The following ZMIZ1 variants were observed in gnomAD, a reference collection of about 807,000 sequenced individuals.
The protein encoded by ZMIZ1 is zinc finger MIZ-type containing 1, also known as zinc finger MIZ domain-containing protein 1.
A neutral mutation model predicts 113.9 loss-of-function variants in ZMIZ1; 17 were observed. The ratio of observed to expected loss-of-function variants is 0.15; its 90% CI spans 0.10 to 0.22. The LOEUF is 0.22. ZMIZ1 is among the 10% of genes least tolerant of loss of function. The pLI, the probability that ZMIZ1 is intolerant of heterozygous loss-of-function variation, is 1.00. For missense variants in ZMIZ1, 1,059 were observed against 1,477.8 expected (o/e 0.72, Z 4.65); for synonymous variants, 607 against 603.1 (o/e 1.01, Z -0.09).
chr10:79,152,336 A>G (rs1845745747), intron 3 of ZMIZ1, among the ~76,000 whole-genome samples: 1 of 152,112 alleles, frequency 6.6e-6, no homozygotes, highest in Non-Finnish European at 1.5e-5. Context: ...CTGTCTCTAC[A>G]AAAAATATAA....
chr10:79,304,558 C>T (rs1854553555), intron 19 of ZMIZ1, among the ~76,000 whole-genome samples: 2 of 152,160 alleles, frequency 1.3e-5, no homozygotes, highest in Admixed American at 1.3e-4. Flanking sequence ...GAGTGACAGC[C>T]CCAGTCTGAG....
chr10:79,259,613 CCTT>C (rs974517614), intron 7 of ZMIZ1, among the ~76,000 whole-genome samples: 1 of 151,106 alleles, frequency 6.6e-6, no homozygotes, highest in African/African-American at 2.4e-5. Context: ...TTCTCTATCA[CCTT>C]CTTTTTTTTT....
At chr10:79,233,247 G>C (rs1046245196) in intron 7 of ZMIZ1, among the ~76,000 whole-genome samples, 1 of 152,246 alleles carries the variant, frequency 6.6e-6, no homozygotes, top group African/African-American at 2.4e-5. Flanking sequence ...GGGAGACTGA[G>C]GCAGGGAACA....
intron 4 of ZMIZ1, among the ~76,000 whole-genome samples, chr10:79,162,636 CCT>C (rs1302897898): frequency 2.0e-5 from 3 of 152,220 alleles, no homozygotes; most frequent in East Asian, 3.8e-4. Context: ...TTACTCTGTG[CCT>C]CTGTTTACCC....
intron 1 of ZMIZ1, among the ~76,000 whole-genome samples, chr10:79,084,708 G>T (rs1589253381): frequency 6.6e-6 from 1 of 152,168 alleles, no homozygotes; most frequent in African/African-American, 2.4e-5. Context: ...TTGAGCCTCA[G>T]TTTCCCTATT....
intron 3 of ZMIZ1, among the ~76,000 whole-genome samples, chr10:79,156,692 G>A (rs1845914290): frequency 6.6e-6 from 1 of 152,226 alleles, no homozygotes; most frequent in African/African-American, 2.4e-5. Context: ...AAGATCGACA[G>A]GATGATTGAA....
At chr10:79,082,159 G>T (rs1842681042) in intron 1 of ZMIZ1, among the ~76,000 whole-genome samples, 1 of 152,024 alleles carries the variant, frequency 6.6e-6, no homozygotes, top group Non-Finnish European at 1.5e-5. Context: ...ATTTTGCAAA[G>T]CGGCTGGGCC....
At chr10:79,187,578 G>T (rs1847402001) in intron 4 of ZMIZ1, among the ~76,000 whole-genome samples, 1 of 152,238 alleles carries the variant, frequency 6.6e-6, no homozygotes, top group Non-Finnish European at 1.5e-5. Flanking sequence ...ATCCTCAGAG[G>T]TTTGGGGTAC....
At chr10:79,085,126 G>C (rs1010257244) in intron 1 of ZMIZ1, among the ~76,000 whole-genome samples, 1 of 152,224 alleles carries the variant, frequency 6.6e-6, no homozygotes, top group Non-Finnish European at 1.5e-5. Context: ...CCTGCTGCCT[G>C]TGGTGGCAGG....
intron 4 of ZMIZ1, among the ~76,000 whole-genome samples, chr10:79,165,992 GT>G (rs1846324555): frequency 3.0e-5 from 1 of 33,048 alleles, no homozygotes; most frequent in Non-Finnish European, 5.6e-5. Flanking sequence ...GTGTGTGTGT[GT>G]GTGTGTGTGG....
At chr10:79,221,427 C>T (rs1325643628) in intron 7 of ZMIZ1, among the ~76,000 whole-genome samples, 2 of 152,196 alleles carry the variant, frequency 1.3e-5, no homozygotes, top group Admixed American at 1.3e-4. Context: ...AGCGCACGTG[C>T]GCGGGCGGGA....
intron 4 of ZMIZ1, among the ~76,000 whole-genome samples, chr10:79,175,111 G>A (rs929600775): frequency 7.2e-5 from 11 of 152,216 alleles, no homozygotes; most frequent in Admixed American, 5.2e-4. Flanking sequence ...GGAGCCAGTG[G>A]GGACTCAGTG....
chr10:79,124,545 A>C (rs1444345173), intron 2 of ZMIZ1, among the ~76,000 whole-genome samples: 5 of 152,156 alleles, frequency 3.3e-5, no homozygotes, highest in Non-Finnish European at 7.3e-5. Flanking sequence ...GTGCTCCTGC[A>C]CCGTGCTAGG....
chr10:79,297,860 G>A (rs187633074), intron 14 of ZMIZ1, among the ~76,000 whole-genome samples, 170 bp downstream of exon 14: 33 of 152,230 alleles, frequency 2.2e-4, no homozygotes, highest in Admixed American at 1.4e-3. Flanking sequence ...GAGAATCCAC[G>A]GCTCCAGGTG....
At chr10:79,258,320 G>C (rs1851046991) in intron 7 of ZMIZ1, among the ~76,000 whole-genome samples, 1 of 152,178 alleles carries the variant, frequency 6.6e-6, no homozygotes, top group African/African-American at 2.4e-5. Context: ...GGAGGTCGAG[G>C]CTGCAGTGAA....
chr10:79,189,274 C>T (rs557590595), intron 4 of ZMIZ1, among the ~76,000 whole-genome samples: 2 of 152,330 alleles, frequency 1.3e-5, no homozygotes, highest in South Asian at 4.1e-4. Flanking sequence ...TTCTGAGGCG[C>T]CCTGTTGAGC....
chr10:79,215,904 C>T (rs950004128), intron 6 of ZMIZ1, among the ~76,000 whole-genome samples: 6 of 152,132 alleles, frequency 3.9e-5, no homozygotes, highest in East Asian at 1.9e-4. Context: ...CCCTTGGAAG[C>T]GGCGGGGCCT....
intron 3 of ZMIZ1, among the ~76,000 whole-genome samples, chr10:79,158,790 C>T (rs1845997614): frequency 6.6e-6 from 1 of 152,178 alleles, no homozygotes; most frequent in Non-Finnish European, 1.5e-5. Flanking sequence ...CAGGACAGTC[C>T]CTACCCCCAA....
chr10:79,070,365 G>A (rs1842222806), intron 1 of ZMIZ1, among the ~76,000 whole-genome samples: 1 of 152,152 alleles, frequency 6.6e-6, no homozygotes, highest in African/African-American at 2.4e-5. Flanking sequence ...GCGGGCGAGG[G>A]GCGGCCGCCT....
Sources: allele counts gnomAD v4.1 joint callset (sites outside exome capture counted in the v4.1 genomes callset), GRCh38; gene constraint gnomAD v4.1.1; transcripts MANE v1.5; gene names NCBI Gene and HGNC (gene_info 2026-07-23, HGNC 2026-07-21).